The following OTOR variants were observed in gnomAD, a reference collection of about 807,000 sequenced individuals.
The protein encoded by OTOR is otoraplin.
A neutral mutation model predicts 15.9 loss-of-function variants in OTOR; 20 were observed. That is an observed-to-expected ratio of 1.26 (90% CI 0.89 to 1.83). The LOEUF (loss-of-function observed/expected upper bound fraction) is 1.83, where lower values mean the gene tolerates loss of function less well. OTOR is among the 40% of genes most tolerant of loss of function. OTOR has a pLI of 0.00. For missense variants in OTOR, 184 were observed against 159.0 expected (o/e 1.16, Z -0.85); for synonymous variants, 53 against 54.2 (o/e 0.98, Z 0.09).
At chr20:16,749,819 T>A (rs6075100) in intron 2 of OTOR, 84 bp from the exon 3 acceptor site, 2 of 903,364 alleles carry the variant, frequency 2.2e-6, no homozygotes, top group South Asian at 1.4e-5. Context: ...TGATTCTCAC[T>A]ATCAGCAAAG....
chr20:16,749,799 T>C, intron 2 of OTOR, 104 bp from the exon 3 acceptor site: 4 of 758,038 alleles, frequency 5.3e-6, no homozygotes, highest in Non-Finnish European at 6.9e-6. Flanking sequence ...AAGGGAGGTA[T>C]TGGCAGCTAT....
At position 16,751,121 on chromosome 20, in the gene OTOR, A is replaced by C. The variant is rs933624392; in HGVS notation, c.*3A>C. The C allele has an allele frequency of 9.1e-6, 14 of 1,533,926 alleles. No individual in the cohort carries two copies. The highest frequency in any genetic ancestry group is 1.2e-5 in the Non-Finnish European group (14 of 1,133,596). Reference sequence around the variant, plus strand: ...ATATTGACTTCTTCTGCGAGTAATAAATTAGTTAAAACTGCAAATAGAAAG... The same window carrying C: ...ATATTGACTTCTTCTGCGAGTAATACATTAGTTAAAACTGCAAATAGAAAG... On this transcript the variant is annotated 3_prime_UTR_variant, in exon 4 of 4. Transcript: ENST00000246081.
At position 16,748,954 on chromosome 20, in the gene OTOR, T is replaced by G; in HGVS notation, c.203T>G (p.Val68Gly). The G allele has an allele frequency of 6.2e-7, 1 of 1,612,482 alleles. No individual in the cohort carries two copies. Among genetic ancestry groups the G allele is most frequent in the Non-Finnish European group, 8.5e-7 (1 of 1,179,370 alleles). ...INVKKGQQIY[V>G]YSKLVKENGA... ...GTTAAAAAAGGGCAGCAGATCTATG[T>G]GTACTCAAAGCTGGTAAAAGAAAAT... The change falls in exon 2 of 4, where the codon GTG becomes GGG. Residue 68 changes from valine to glycine, a missense_variant. Transcript: ENST00000246081.
chr20:16,750,112 C>A, intron 3 of OTOR, 102 bp downstream of exon 3: 1 of 724,964 alleles, frequency 1.4e-6, no homozygotes, highest in Non-Finnish European at 2.3e-6. Context: ...TAGAACAAAG[C>A]CTCCAACTTT....
intron 2 of OTOR, among the ~76,000 whole-genome samples, chr20:16,749,207 A>G (rs746030177): frequency 5.3e-5 from 8 of 152,216 alleles, no homozygotes; most frequent in Non-Finnish European, 1.0e-4. Flanking sequence ...AATGTAGGTT[A>G]ATGTGATATT....
At position 16,751,295 on chromosome 20, in the gene OTOR, T is replaced by A. The variant is rs570595369; in HGVS notation, c.*177T>A. The A allele has an allele frequency of 1.0e-4, 60 of 573,698 alleles. No individual in the cohort carries two copies. The South Asian group carries it at 1.3e-3, about 12-fold the overall frequency. The allele number at this position is 573,698 out of a possible 1,614,324, so 35.5% of individuals were successfully genotyped here. ...GATAAAAGAGGATTTTCAACTCAAATCTTGTTTCCTGCTGGCCTGGTCTGC... is the reference window on the plus strand; with the variant it reads ...GATAAAAGAGGATTTTCAACTCAAAACTTGTTTCCTGCTGGCCTGGTCTGC... On this transcript the variant is annotated 3_prime_UTR_variant, in exon 4 of 4. Transcript: ENST00000246081.
At position 16,749,988 on chromosome 20, in the gene OTOR, C is replaced by G. The variant is rs757576354; in HGVS notation, c.341C>G (p.Ala114Gly). The G allele has an allele frequency of 1.9e-6, 3 of 1,612,516 alleles. No individual in the cohort carries two copies. The highest frequency in any genetic ancestry group is 2.5e-6 in the Non-Finnish European group (3 of 1,178,742). The change falls in exon 3 of 4, where the codon GCT becomes GGT. Residue 114 changes from alanine (A) to glycine (G), a missense_variant. By Grantham distance (60) the Ala-to-Gly change is moderately conservative. Transcript: ENST00000246081. Reference protein sequence around the residue: ...LVKEQRVYQEATKEVPTTDID... With the variant: ...LVKEQRVYQEGTKEVPTTDID... ...AAGGAACAGCGTGTGTACCAGGAAG[C>G]TACCAAGGAAGTTCCCACCACGGTA...
chr20:16,748,744 ACCAGC>A, intron 1 of OTOR, 118 bp from the exon 2 acceptor site: 1 of 790,980 alleles, frequency 1.3e-6, no homozygotes, highest in Non-Finnish European at 1.9e-6. Context: ...TTGGATAGAC[ACCAGC>A]TATGAACTGG....
intron 2 of OTOR, 125 bp from the exon 3 acceptor site, chr20:16,749,778 C>T: frequency 1.5e-6 from 1 of 665,648 alleles, no homozygotes; most frequent in Non-Finnish European, 2.7e-6. Context: ...GCCCCCTGGA[C>T]CCCGGAGTGA....
chr20:16,748,920 T>C lies in OTOR; in HGVS notation c.169T>C (p.Phe57Leu). ...AGATTATAATGCCCCGGACTGTAGA[T>C]TCATTAACGTTAAAAAAGGGCAGCA... ...QEDYNAPDCR[F>L]INVKKGQQIY... is the part of the protein sequence containing the mutation. The change falls in exon 2 of 4, where the codon TTC (phenylalanine) becomes CTC (leucine). Residue 57 changes from phenylalanine (F) to leucine (L), a missense_variant. Transcript: ENST00000246081. 6.2e-7 allele frequency: 1 copy of C among 1,611,486 alleles called. No homozygotes were observed. The highest frequency in any genetic ancestry group is 8.5e-7 in the Non-Finnish European group (1 of 1,178,406).
At chr20:16,748,741 G>C (rs2072508590) in intron 1 of OTOR, 126 bp from the exon 2 acceptor site, 2 of 783,814 alleles carry the variant, frequency 2.6e-6, no homozygotes, top group Non-Finnish European at 3.9e-6. Flanking sequence ...CTCTTGGATA[G>C]ACACCAGCTA....
intron 2 of OTOR, 35 bp from the exon 3 acceptor site, chr20:16,749,868 G>C: frequency 7.0e-7 from 1 of 1,421,784 alleles, no homozygotes; most frequent in Non-Finnish European, 9.9e-7. Context: ...CTCAGCATCA[G>C]CTTTTTCCTG....
At chr20:16,748,826 A>G in intron 1 of OTOR, 41 bp from the exon 2 acceptor site, 21 of 1,485,510 alleles carry the variant, frequency 1.4e-5, no homozygotes, top group Non-Finnish European at 1.9e-5. Context: ...TATAAAATTC[A>G]GGAGCCTAAA....
chr20:16,751,783 A>C lies in OTOR; in HGVS notation c.*665A>C, dbSNP rs992924930. On this transcript the variant is annotated 3_prime_UTR_variant, in exon 4 of 4. Transcript: ENST00000246081. The stretch of plus-strand genomic sequence containing the variant: ...CAATTTACTTCTCCCCCAATTTTAA[A>C]GAAGTATGTGTATATTTAATAGGGG... 1.3e-5 allele frequency: 2 copies of C among 152,170 alleles called. No homozygotes were observed. Among genetic ancestry groups the C allele is most frequent in the Non-Finnish European group, 2.9e-5 (2 of 68,030 alleles). The allele number at this position is 152,170 out of a possible 1,614,324, so 9.4% of individuals were successfully genotyped here.
chr20:16,750,146 T>C, intron 3 of OTOR, 136 bp downstream of exon 3: 4 of 606,236 alleles, frequency 6.6e-6, no homozygotes, highest in Non-Finnish European at 1.2e-5. Context: ...TCTGAGATAA[T>C]GAGGTTTGGG....
chr20:16,750,403 T>TTG (rs3075058), intron 3 of OTOR, among the ~76,000 whole-genome samples: 35,026 of 148,292 alleles, frequency 0.24, 4,714 homozygotes, highest in African/African-American at 0.39. Context: ...ATAGTTACCT[T>TTG]TGTGTGTGTG....
In OTOR at chr20:16,748,463, T is replaced by A; in HGVS notation, c.62T>A (p.Ile21Lys). The A allele has an allele frequency of 6.2e-7, 1 of 1,613,790 alleles. No individual in the cohort carries two copies. The highest frequency in any genetic ancestry group is 8.5e-7 in the Non-Finnish European group (1 of 1,179,678). ...GLVAVCAVHGIFMDRLASKKL... is the reference protein window; with the variant it reads ...GLVAVCAVHGKFMDRLASKKL... Reference sequence around the variant, plus strand: ...GTGGCTGTATGTGCTGTGCATGGAATATTTATGGACCGTCTAGCTTCCAAG... The same window carrying A: ...GTGGCTGTATGTGCTGTGCATGGAAAATTTATGGACCGTCTAGCTTCCAAG... Residue 21 changes from isoleucine to lysine, a missense_variant, in exon 1 of 4, where the codon ATA becomes AAA. By Grantham distance (102) the Ile-to-Lys change is moderately radical (BLOSUM62 -3). Coordinates refer to ENST00000246081, the MANE Select transcript of OTOR (RefSeq NM_020157.4).
At chr20:16,748,618 C>G (rs935747239) in intron 1 of OTOR, 102 bp downstream of exon 1, 22 of 771,722 alleles carry the variant, frequency 2.9e-5, no homozygotes, top group Non-Finnish European at 4.4e-5. Flanking sequence ...GAATCTTCTC[C>G]AATGTGTATG....
At chr20:16,750,225 T>C (rs2072520986) in intron 3 of OTOR, among the ~76,000 whole-genome samples, 1 of 152,220 alleles carries the variant, frequency 6.6e-6, no homozygotes, top group Non-Finnish European at 1.5e-5. Context: ...CCTTTTGTTT[T>C]ATTTCAGTTT....
Sources: gnomAD v4.1 joint callset for allele counts (sites outside exome capture counted in the v4.1 genomes callset) on GRCh38, gnomAD v4.1.1 for gene constraint, MANE v1.5 for transcripts, NCBI Gene and HGNC (gene_info 2026-07-23, HGNC 2026-07-21) for gene names.